PLEKHH2: variants seen among roughly 807,000 people sequenced by gnomAD.
PLEKHH2 encodes pleckstrin homology, MyTH4 and FERM domain containing H2, also known as pleckstrin homology domain-containing family H member 2.
In PLEKHH2, 129 loss-of-function variants were observed where a neutral mutation model predicts 187.9. The observed-to-expected ratio is 0.69, with a 90% CI of 0.59 to 0.79. The LOEUF is 0.79. PLEKHH2 is among the 30% of genes least tolerant of loss of function. The pLI is 0.00. For synonymous variants in PLEKHH2, 686 were observed against 605.6 expected (o/e 1.13, Z -1.95); for missense variants, 2,076 against 1,751.2 (o/e 1.19, Z -3.31).
chr2:43,646,948 C>G (rs1666211998), intron 2 of PLEKHH2, among the ~76,000 whole-genome samples: 1 of 151,512 alleles, frequency 6.6e-6, no homozygotes, highest in Non-Finnish European at 1.5e-5. Flanking sequence ...TCATGGCTTC[C>G]CAATAAATAT....
intron 8 of PLEKHH2, among the ~76,000 whole-genome samples, chr2:43,703,264 C>A (rs1452478964): frequency 6.6e-6 from 1 of 152,142 alleles, no homozygotes; most frequent in Non-Finnish European, 1.5e-5. Flanking sequence ...ACCTGTGGTC[C>A]CTTTTCTCAA....
At chr2:43,654,693 C>A (rs1268281805) in intron 2 of PLEKHH2, among the ~76,000 whole-genome samples, 1 of 96,328 alleles carries the variant, frequency 1.0e-5, no homozygotes, top group African/African-American at 4.4e-5. Context: ...GCTTGGGCAA[C>A]ATAGTAAGAC....
Position 43,697,340 on chromosome 2 carries a change from A to G in PLEKHH2, c.672A>G (p.Glu224=). The G allele has an allele frequency of 4.3e-6, 7 of 1,610,522 alleles. No individual in the cohort carries two copies. The highest frequency in any genetic ancestry group is 5.9e-6 in the Non-Finnish European group (7 of 1,178,496). The change falls in exon 7 of 30, where the codon GAA becomes GAG. Residue 224 remains glutamate (E), a synonymous_variant. Coordinates refer to ENST00000282406, the MANE Select transcript of PLEKHH2 (RefSeq NM_172069.4). ...CATCGAAAGAACCTGAGTTCACTGA[A>G]GGAAAAGACATGGAAGGTATTTATG... ...KISSKEPEFT[E]GKDMEEMEIP...
At chr2:43,733,287 T>C (rs1671133137) in intron 19 of PLEKHH2, among the ~76,000 whole-genome samples, 1 of 145,560 alleles carries the variant, frequency 6.9e-6, no homozygotes, top group South Asian at 2.1e-4. Flanking sequence ...CACTTGAACC[T>C]AGGAAATGGA....
At position 43,706,388 on chromosome 2, in the gene PLEKHH2, C is replaced by G. The variant is rs1333689024; in HGVS notation, c.1793C>G (p.Thr598Ser). ...LYTSLIYKNMTTPVYTTLKGK... is the reference protein window; with the variant it reads ...LYTSLIYKNMSTPVYTTLKGK... ...ACATCTCTGATATACAAGAACATGA[C>G]CACCCCAGTGTATACAACTTTGAAG... is the stretch of plus-strand genomic sequence containing the variant. Residue 598 changes from threonine to serine, a missense_variant, in exon 10 of 30, where the codon ACC (threonine) becomes AGC (serine). Thr to Ser is a moderately conservative substitution (Grantham distance 58). Coordinates refer to ENST00000282406, the MANE Select transcript of PLEKHH2 (RefSeq NM_172069.4). 1.2e-6 allele frequency: 2 copies of G among 1,603,918 alleles called. No homozygotes were observed. The highest frequency in any genetic ancestry group is 1.3e-5 in the African/African-American group (1 of 74,850).
intron 15 of PLEKHH2, among the ~76,000 whole-genome samples, chr2:43,713,888 C>A (rs1670087487): frequency 1.3e-5 from 2 of 151,946 alleles, no homozygotes; most frequent in South Asian, 4.2e-4. Context: ...GGGTGTTATT[C>A]CATAATATTT....
chr2:43,705,315 G>A (rs182617199), intron 9 of PLEKHH2, among the ~76,000 whole-genome samples: 51 of 147,228 alleles, frequency 3.5e-4, no homozygotes, highest in African/African-American at 1.3e-3. Flanking sequence ...GAGTGGAGTG[G>A]TGTGATCATA....
chr2:43,688,935 G>A (rs1164105495), intron 3 of PLEKHH2, among the ~76,000 whole-genome samples: 2 of 152,162 alleles, frequency 1.3e-5, no homozygotes, highest in South Asian at 2.1e-4. Flanking sequence ...ATATCCACCT[G>A]ACTGATCTTA....
Position 43,677,624 on chromosome 2 carries a change from C to T in PLEKHH2, c.124-1239C>T, listed in dbSNP as rs567587669. Among the ~76,000 whole-genome samples, 25 of 151,922 alleles carry T rather than the reference C, an allele frequency of 1.6e-4. No homozygotes were observed. In the East Asian group the frequency reaches 4.4e-3, roughly 27 times the overall value. On this transcript the variant is annotated intron_variant, in intron 2 of 29. Transcript: ENST00000282406. ...TTTCCACACAGACACGGCAACCATC[C>T]GATTTCTCAATCTTTTCCCCACCTT... is the stretch of plus-strand genomic sequence containing the variant.
chr2:43,703,032 G>C (rs761830589), intron 8 of PLEKHH2, among the ~76,000 whole-genome samples: 9 of 152,072 alleles, frequency 5.9e-5, no homozygotes, highest in African/African-American at 9.7e-5. Context: ...TTGTGTGTGG[G>C]TGTATCTCAC....
At chr2:43,741,150 A>G in intron 21 of PLEKHH2, 107 bp downstream of exon 21, 11 of 977,854 alleles carry the variant, frequency 1.1e-5, no homozygotes, top group Non-Finnish European at 1.6e-5. Context: ...AGAATGTATG[A>G]AACAAATATT....
chr2:43,742,356 T>G (rs1558603285), intron 21 of PLEKHH2, among the ~76,000 whole-genome samples: 2 of 152,126 alleles, frequency 1.3e-5, no homozygotes, highest in Admixed American at 1.3e-4. Flanking sequence ...AACCACCATG[T>G]TCTTCAGAAG....
chr2:43,700,360 A>T lies in PLEKHH2; in HGVS notation c.1402A>T (p.Met468Leu), dbSNP rs1336660927. 4 of 1,614,068 alleles carry T rather than the reference A, an allele frequency of 2.5e-6. No individual in the cohort carries two copies. Among genetic ancestry groups the T allele is most frequent in the Admixed American group, 1.7e-5 (1 of 60,006 alleles). ...LSQPQLSSDR[M>L]FGTNRNAISM... is the part of the protein sequence containing the mutation. ...CCAGCCACAGTTAAGCTCTGACAGG[A>T]TGTTTGGTACAAATAGAAACGCTAT... The change falls in exon 8 of 30, where the codon ATG (methionine) becomes TTG (leucine). Residue 468 changes from methionine to leucine, a missense_variant. Physicochemically the swap from Met to Leu is conservative, Grantham distance 15 (BLOSUM62 2). Transcript: ENST00000282406.
At chr2:43,745,603 C>T (rs760314241) in intron 23 of PLEKHH2, among the ~76,000 whole-genome samples, 81 of 152,178 alleles carry the variant, frequency 5.3e-4, no homozygotes, top group Non-Finnish European at 8.8e-4. Context: ...CAGTTTCAGG[C>T]AGTCCTACAT....
rs898710086 is a variant in PLEKHH2 at position 43,721,854 on chromosome 2, T to C, written c.2541+1105T>C. 2.0e-5 allele frequency among the ~76,000 whole-genome samples: 3 copies of C among 152,048 alleles called. No individual in the cohort carries two copies. The East Asian group carries it at 5.8e-4, about 29-fold the overall frequency. The stretch of plus-strand genomic sequence containing the variant: ...TGAGCTGTGATTCGCACCATTGCAT[T>C]CCAGGCTGGGTGACAGGATGAGACC... On this transcript the variant is annotated intron_variant, in intron 16 of 29. Coordinates refer to ENST00000282406, the MANE Select transcript of PLEKHH2 (RefSeq NM_172069.4).
At position 43,695,124 on chromosome 2, in the gene PLEKHH2, T is replaced by C; in HGVS notation, c.421-19T>C. Reference sequence around the variant, plus strand: ...TAATATTATCTCTATATGAAAAGAATACCATTATGTTCTCTTAGCTGGAAT... The same window carrying C: ...TAATATTATCTCTATATGAAAAGAACACCATTATGTTCTCTTAGCTGGAAT... On this transcript the variant is annotated intron_variant, in intron 5 of 29. Coordinates refer to ENST00000282406, the MANE Select transcript of PLEKHH2 (RefSeq NM_172069.4). The C allele has an allele frequency of 7.0e-7, 1 of 1,423,764 alleles. No homozygotes were observed. The highest frequency in any genetic ancestry group is 1.4e-5 in the South Asian group (1 of 73,416). The allele number at this position is 1,423,764 out of a possible 1,614,324, so 88.2% of individuals were successfully genotyped here. A position where few individuals can be genotyped will look rare whatever the true frequency, so the allele number is the denominator to read the frequency against.
At chr2:43,750,492 AAGAG>A (rs371098258) in intron 24 of PLEKHH2, among the ~76,000 whole-genome samples, 6 of 151,768 alleles carry the variant, frequency 4.0e-5, no homozygotes, top group Non-Finnish European at 8.8e-5. Flanking sequence ...AAAAAAAAAA[AAGAG>A]AGAGAGAGAC....
chr2:43,702,069 G>C (rs1037817308), intron 8 of PLEKHH2, among the ~76,000 whole-genome samples: 4 of 152,136 alleles, frequency 2.6e-5, no homozygotes, highest in Non-Finnish European at 4.4e-5. Flanking sequence ...ACTGCACCTG[G>C]TCTGAAATGA....
chr2:43,678,746 G>T, intron 2 of PLEKHH2, 117 bp from the exon 3 acceptor site: 1 of 641,678 alleles, frequency 1.6e-6, no homozygotes, highest in East Asian at 2.7e-5. Context: ...AAGTGGAGGT[G>T]GAGGTGGAGG....
Sources: gnomAD v4.1 joint callset for allele counts (sites outside exome capture counted in the v4.1 genomes callset) on GRCh38, gnomAD v4.1.1 for gene constraint, MANE v1.5 for transcripts, NCBI Gene and HGNC (gene_info 2026-07-23, HGNC 2026-07-21) for gene names.